The following OPA3 variants were observed in gnomAD, a reference collection of about 807,000 sequenced individuals.
OPA3 encodes the protein optic atrophy 3 protein.
OPA3 carries 6 observed loss-of-function variants against 4.0 expected under a neutral mutation model. The observed-to-expected ratio is 1.51, with a 90% CI of 0.83 to 2.99. The LOEUF is 2.99. Ranked by LOEUF, OPA3 falls within the 30% of genes most tolerant of loss-of-function variation. OPA3 has a pLI of 0.00. For synonymous variants in OPA3, 105 were observed against 117.1 expected, an observed-to-expected ratio of 0.90 and a Z score of 0.67; for missense variants, 235 against 256.2, an observed-to-expected ratio of 0.92 and a Z score of 0.56.
intron 1 of OPA3, among the ~76,000 whole-genome samples, chr19:45,572,790 G>GAT (rs1969705243): frequency 2.3e-5 from 1 of 44,126 alleles, no homozygotes; most frequent in Non-Finnish European, 4.9e-5. Flanking sequence ...ACTATATATA[G>GAT]ATATATATAT....
rs1278474523 is a variant in OPA3, at chr19:45,550,844, C to T, written c.*2670G>A. The T allele has an allele frequency of 2.0e-6, 2 of 985,968 alleles. No homozygotes were observed. The highest frequency in any genetic ancestry group is 4.7e-5 in the South Asian group (1 of 21,292). The allele number at this position is 985,968 out of a possible 1,614,324, so 61.1% of individuals were successfully genotyped here. A position where few individuals can be genotyped will look rare whatever the true frequency, so the allele number is the denominator to read the frequency against. ...ACAGACTGCAGGCTACTGGGACCCA[C>T]CCCCTCCCGCTTCAGTGGCAGATCC... is the stretch of plus-strand genomic sequence containing the variant. On this transcript the variant is annotated 3_prime_UTR_variant, in exon 2 of 2. Transcript: ENST00000263275.
chr19:45,583,635 G>T (rs1969888270), intron 1 of OPA3, among the ~76,000 whole-genome samples: 1 of 152,082 alleles, frequency 6.6e-6, no homozygotes, highest in Non-Finnish European at 1.5e-5. Context: ...CCAAGTAGCT[G>T]GGATTACAGG....
Position 45,546,350 on chromosome 19 carries a change from AGAT to A in OPA3, c.*7161_*7163del. 3 of 679,108 alleles carry A rather than the reference AGAT, an allele frequency of 4.4e-6. No homozygotes were observed. The highest frequency in any genetic ancestry group is 5.4e-6 in the Non-Finnish European group (3 of 550,858). The allele number at this position is 679,108 out of a possible 1,614,324, so 42.1% of individuals were successfully genotyped here. On this transcript the variant is annotated 3_prime_UTR_variant, in exon 2 of 2. Transcript: ENST00000263275. ...CATAAGCACATACACTACATATAAT[AGAT>A]GATGTTATGTTACACATGACATAAA... is the stretch of plus-strand genomic sequence containing the variant.
exon 2 of OPA3, chr19:45,527,846 C>T (rs934071465): frequency 2.0e-5 from 3 of 152,208 alleles, no homozygotes; most frequent in African/African-American, 7.2e-5. Context: ...AGTCACAGAG[C>T]TCATCCACGC....
chr19:45,530,536 G>A (rs1032370585), intron 1 of OPA3, among the ~76,000 whole-genome samples: 3 of 151,730 alleles, frequency 2.0e-5, no homozygotes, highest in Non-Finnish European at 2.9e-5. Flanking sequence ...TTGAGACGGG[G>A]TCTTGCTCTG....
chr19:45,559,663 A>G (rs573471931), intron 1 of OPA3, among the ~76,000 whole-genome samples: 2 of 151,938 alleles, frequency 1.3e-5, no homozygotes, highest in South Asian at 4.2e-4. Flanking sequence ...TCAGCCTCCC[A>G]AAGTGCTGGG....
In OPA3 at chr19:45,546,718, T is replaced by G. The variant is rs980622657; in HGVS notation, c.*6796A>C. ...TCTCACTCTGGCACCTAGGCTGGAA[T>G]GCAGTAGTGCAATCTTGGCTCACTG... On this transcript the variant is annotated 3_prime_UTR_variant, in exon 2 of 2. Transcript: ENST00000263275. 1 of 152,200 alleles carries G rather than the reference T, an allele frequency of 6.6e-6. No homozygotes were observed. The highest frequency in any genetic ancestry group is 1.5e-5 in the Non-Finnish European group (1 of 68,076). 9.4% of individuals were successfully genotyped at this position (152,200 alleles called of 1,614,324 possible).
intron 1 of OPA3, among the ~76,000 whole-genome samples, chr19:45,571,365 T>C (rs898117256): frequency 6.6e-5 from 10 of 152,174 alleles, no homozygotes; most frequent in Non-Finnish European, 1.2e-4. Flanking sequence ...CAGGTTGGTC[T>C]TGAACTCCCC....
At chr19:45,534,379 T>C (rs1484251025) in intron 1 of OPA3, among the ~76,000 whole-genome samples, 4 of 151,874 alleles carry the variant, frequency 2.6e-5, no homozygotes, top group Admixed American at 2.6e-4. Flanking sequence ...CTGGCCAACC[T>C]AATTAAACCC....
At chr19:45,572,411 T>C (rs1360453139) in intron 1 of OPA3, among the ~76,000 whole-genome samples, 4 of 125,922 alleles carry the variant, frequency 3.2e-5, no homozygotes, top group Non-Finnish European at 4.8e-5. Flanking sequence ...AGATTATCGA[T>C]ATATATCGAT....
Position 45,550,002 on chromosome 19 carries a change from CA to C in OPA3, c.*3511del, listed in dbSNP as rs1429252284. The C allele has an allele frequency of 4.0e-5, 23 of 568,740 alleles. No individual in the cohort carries two copies. The highest frequency in any genetic ancestry group is 5.1e-5 in the Non-Finnish European group (23 of 449,850). 35.2% of individuals were successfully genotyped at this position (568,740 alleles called of 1,614,324 possible). A position where few individuals can be genotyped will look rare whatever the true frequency, so the allele number is the denominator to read the frequency against. On this transcript the variant is annotated 3_prime_UTR_variant, in exon 2 of 2. Coordinates refer to ENST00000263275, the MANE Select transcript of OPA3 (RefSeq NM_025136.4). ...GAGAAACCCCGTCTCCACTAAAATA[CA>C]AAAATTAGCCAGGCGTGGGTGGTGG...
chr19:45,529,317 G>A (rs750286310), exon 2 of OPA3: 1 of 1,614,200 alleles, frequency 6.2e-7, no homozygotes, highest in South Asian at 1.1e-5. Flanking sequence ...TCAGGCAGCT[G>A]CAGGCGGTGA....
chr19:45,573,819 C>T (rs1295879157), intron 1 of OPA3, among the ~76,000 whole-genome samples: 2 of 152,144 alleles, frequency 1.3e-5, no homozygotes, highest in Non-Finnish European at 2.9e-5. Context: ...TCTGAGTGCA[C>T]GAAGTCTTTA....
chr19:45,534,560 C>CAAAAAA (rs71173177), intron 1 of OPA3, among the ~76,000 whole-genome samples: 2 of 54,994 alleles, frequency 3.6e-5, no homozygotes, highest in African/African-American at 8.1e-5. Flanking sequence ...AACTCTGTCC[C>CAAAAAA]AAAAAAAAAA....
At chr19:45,539,371 C>T (rs1357244497) in intron 1 of OPA3, among the ~76,000 whole-genome samples, 2 of 152,170 alleles carry the variant, frequency 1.3e-5, no homozygotes, top group Admixed American at 6.6e-5. Context: ...GGCTACTCAT[C>T]GCTTGAACCC....
chr19:45,548,993 C>T lies in OPA3; in HGVS notation c.*4521G>A, dbSNP rs886054521. ...CTAATTTTTGTATTTTTAGTAGAGA[C>T]GAGGTTTCACCATGTTGATCAGGTT... On this transcript the variant is annotated 3_prime_UTR_variant, in exon 2 of 2. Coordinates refer to ENST00000263275, the MANE Select transcript of OPA3 (RefSeq NM_025136.4). 4.9e-5 allele frequency: 20 copies of T among 409,182 alleles called. No homozygotes were observed. The highest frequency in any genetic ancestry group is 1.5e-4 in the African/African-American group (7 of 45,968). The allele number at this position is 409,182 out of a possible 1,614,324, so 25.3% of individuals were successfully genotyped here.
At chr19:45,543,342 AC>A (rs1599954706), downstream of OPA3, among the ~76,000 whole-genome samples, 2 of 144,410 alleles carry the variant, frequency 1.4e-5, no homozygotes, top group East Asian at 4.1e-4. Context: ...TTTTTTTGAG[AC>A]AGAGTCTCGC....
Position 45,572,095 on chromosome 19 carries a change from GTGTATATATATA to G in OPA3, c.142+12516_142+12527del, listed in dbSNP as rs1969674473. Reference sequence around the variant, plus strand: ...TCATGGTGGCTGCTTTTTTCATGTGGTGTATATATATATATCAATATATATTGATATATATAT... The same window carrying G: ...TCATGGTGGCTGCTTTTTTCATGTGGTATCAATATATATTGATATATATAT... On this transcript the variant is annotated intron_variant, in intron 1 of 1. Coordinates refer to ENST00000263275, the MANE Select transcript of OPA3 (RefSeq NM_025136.4). Among the ~76,000 whole-genome samples the G allele has an allele frequency of 1.2e-4, 15 of 122,700 alleles. No homozygotes were observed. In the South Asian group the frequency reaches 3.9e-3, roughly 32 times the overall value. The allele number at this position is 122,700 out of a possible 152,430, so 80.5% of individuals were successfully genotyped here.
intron 1 of OPA3, among the ~76,000 whole-genome samples, chr19:45,568,431 C>A (rs1969614310): frequency 6.6e-6 from 1 of 152,098 alleles, no homozygotes; most frequent in South Asian, 2.1e-4. Flanking sequence ...CTCAGGTGAT[C>A]CGCCCACCTC....
Sources: gnomAD v4.1 joint callset for allele counts (sites outside exome capture counted in the v4.1 genomes callset) on GRCh38, gnomAD v4.1.1 for gene constraint, MANE v1.5 for transcripts, NCBI Gene and HGNC (gene_info 2026-07-23, HGNC 2026-07-21) for gene names.